The following MEGF11 variants were observed in gnomAD, a reference collection of about 807,000 sequenced individuals.
MEGF11 encodes multiple EGF like domains 11, also known as multiple epidermal growth factor-like domains protein 11.
Under a neutral mutation model 146.6 loss-of-function variants are expected in MEGF11, and 126 were observed. The ratio of observed to expected loss-of-function variants is 0.86; its 90% CI spans 0.74 to 1.00. The LOEUF (loss-of-function observed/expected upper bound fraction) is 1.00. MEGF11 is among the 50% of genes least tolerant of loss of function. MEGF11 has a pLI of 0.00. For missense variants in MEGF11, 1,509 were observed against 1,521.2 expected, an observed-to-expected ratio of 0.99 and a Z score of 0.13; for synonymous variants, 532 against 583.4, an observed-to-expected ratio of 0.91 and a Z score of 1.27.
At chr15:65,965,731 ATC>A (rs1166524075) in intron 8 of MEGF11, among the ~76,000 whole-genome samples, 1 of 149,050 alleles carries the variant, frequency 6.7e-6, no homozygotes, top group African/African-American at 2.5e-5. Flanking sequence ...CGGCCCCTTG[ATC>A]TTGAACTTCT....
At chr15:66,037,537 C>T (rs752079445) in intron 5 of MEGF11, among the ~76,000 whole-genome samples, 14 of 152,012 alleles carry the variant, frequency 9.2e-5, no homozygotes, top group Non-Finnish European at 1.5e-4. Context: ...GCACCTGGCA[C>T]GTAGTAAGTG....
intron 5 of MEGF11, among the ~76,000 whole-genome samples, chr15:66,063,754 T>C (rs993962481): frequency 2.6e-5 from 4 of 152,226 alleles, no homozygotes; most frequent in African/African-American, 9.7e-5. Flanking sequence ...AGTTCTCCAT[T>C]AAATTTGCAT....
intron 1 of MEGF11, among the ~76,000 whole-genome samples, chr15:66,143,769 G>C (rs909204724): frequency 1.3e-5 from 2 of 152,130 alleles, no homozygotes; most frequent in Non-Finnish European, 2.9e-5. Flanking sequence ...GGACTCAGGG[G>C]ACTTTGGCAG....
At chr15:65,905,340 A>G (rs1323134164) in intron 24 of MEGF11, 2 of 152,250 alleles carry the variant, frequency 1.3e-5, no homozygotes, top group Non-Finnish European at 2.9e-5. Context: ...GCATTAGACA[A>G]TAGGACAGGC....
At chr15:66,197,584 G>A (rs543639325) in intron 1 of MEGF11, among the ~76,000 whole-genome samples, 4 of 152,126 alleles carry the variant, frequency 2.6e-5, no homozygotes, top group East Asian at 1.9e-4. Context: ...CACCATGCCC[G>A]GCTAATTTTT....
chr15:66,065,735 A>AT (rs373812227), intron 5 of MEGF11, among the ~76,000 whole-genome samples: 12 of 151,998 alleles, frequency 7.9e-5, no homozygotes, highest in South Asian at 2.1e-4. Context: ...TGAAAATGAG[A>AT]TTTTTTCCCC....
In MEGF11 at chr15:65,981,787, G is replaced by A. The variant is rs185440911; in HGVS notation, c.641+455C>T. 2.7e-3 allele frequency among the ~76,000 whole-genome samples: 404 copies of A among 152,288 alleles called. 2 individuals carry two copies. Among genetic ancestry groups the A allele is most frequent in the African/African-American group, 9.0e-3 (376 of 41,560 alleles). ...AGTAATCCTCCCAAATCTGTACATG[G>A]TATCTGCCTAGGACCCTCACCTCTC... On this transcript the variant is annotated intron_variant, in intron 6 of 25. Transcript: ENST00000395614.
chr15:66,227,378 T>G (rs182284834), intron 1 of MEGF11, among the ~76,000 whole-genome samples: 130 of 152,304 alleles, frequency 8.5e-4, no homozygotes, highest in African/African-American at 2.9e-3. Context: ...TCAGCATTAT[T>G]ATTAATATTG....
chr15:66,082,413 C>A (rs1348807410), intron 5 of MEGF11, among the ~76,000 whole-genome samples: 4 of 87,504 alleles, frequency 4.6e-5, no homozygotes, highest in African/African-American at 9.6e-5. Flanking sequence ...CATGGTAAAA[C>A]CCCATCTCTA....
intron 5 of MEGF11, among the ~76,000 whole-genome samples, chr15:65,994,540 G>C (rs1347754861): frequency 6.6e-6 from 1 of 152,206 alleles, no homozygotes; most frequent in African/African-American, 2.4e-5. Context: ...GAGAGGAGTT[G>C]TGTTGAAGCG....
intron 10 of MEGF11, among the ~76,000 whole-genome samples, chr15:65,935,322 GAAAAAAAAAAAAAAAAAAAAA>G (rs71139449): frequency 2.1e-3 from 74 of 35,204 alleles, no homozygotes; most frequent in Non-Finnish European, 2.5e-3. Flanking sequence ...TCCGTCTCAA[GAAAAAAAAAAAAAAAAAAAAA>G]AAAAAAAAAA....
At chr15:65,945,268 G>A (rs2080149360) in intron 10 of MEGF11, among the ~76,000 whole-genome samples, 1 of 152,214 alleles carries the variant, frequency 6.6e-6, no homozygotes, top group South Asian at 2.1e-4. Flanking sequence ...TTCTCACAGA[G>A]TGCCTCACCA....
At chr15:65,966,078 C>G (rs333553) in intron 8 of MEGF11, among the ~76,000 whole-genome samples, 95,929 of 151,978 alleles carry the variant, frequency 0.63, 30,534 homozygotes, top group Admixed American at 0.68. Context: ...TTGCTGCAAC[C>G]TCCGCCTCCC....
intron 5 of MEGF11, among the ~76,000 whole-genome samples, chr15:66,068,452 A>C (rs552300812): frequency 6.6e-6 from 1 of 152,324 alleles, no homozygotes; most frequent in East Asian, 1.9e-4. Context: ...ATCTCCAGAC[A>C]TTGCCAAATG....
chr15:66,209,305 G>A (rs550665368), intron 1 of MEGF11, among the ~76,000 whole-genome samples: 44 of 150,970 alleles, frequency 2.9e-4, no homozygotes, highest in Non-Finnish European at 6.1e-4. Flanking sequence ...AGCCAAGATC[G>A]CGCCACTGCA....
At chr15:66,007,969 G>A (rs1018599763) in intron 5 of MEGF11, among the ~76,000 whole-genome samples, 2 of 152,170 alleles carry the variant, frequency 1.3e-5, no homozygotes, top group African/African-American at 4.8e-5. Flanking sequence ...GCTGTGGCAT[G>A]GTTGTCAGGG....
chr15:66,247,855 G>A (rs2092317292), intron 1 of MEGF11, among the ~76,000 whole-genome samples: 1 of 152,052 alleles, frequency 6.6e-6, no homozygotes. Context: ...TGACCAACAT[G>A]GAGAAACCCC....
chr15:65,970,409 C>T lies in MEGF11; in HGVS notation c.899+144G>A, dbSNP rs116563135. On this transcript the variant is annotated intron_variant, in intron 8 of 25. Transcript: ENST00000395614. Reference sequence around the variant, plus strand: ...AGGGTGAGGAGGGATCAGGTGCCAACCCTCCCTGGCAGGAGAGCTCAGAGT... The same window carrying T: ...AGGGTGAGGAGGGATCAGGTGCCAATCCTCCCTGGCAGGAGAGCTCAGAGT... 2.1e-4 allele frequency: 193 copies of T among 903,948 alleles called. No homozygotes were observed. In the African/African-American group the frequency reaches 2.7e-3, roughly 13 times the overall value. The allele number at this position is 903,948 out of a possible 1,614,324, so 56.0% of individuals were successfully genotyped here. A position where few individuals can be genotyped will look rare whatever the true frequency, so the allele number is the denominator to read the frequency against.
At chr15:65,936,124 G>GTA (rs1198623957) in intron 10 of MEGF11, among the ~76,000 whole-genome samples, 1 of 152,186 alleles carries the variant, frequency 6.6e-6, no homozygotes, top group Non-Finnish European at 1.5e-5. Flanking sequence ...GGCAGTCAGT[G>GTA]TATACATCTG....
Sources: allele counts gnomAD v4.1 joint callset (sites outside exome capture counted in the v4.1 genomes callset), GRCh38; gene constraint gnomAD v4.1.1; transcripts MANE v1.5; gene names NCBI Gene and HGNC (gene_info 2026-07-23, HGNC 2026-07-21).